Variants in ANO2 observed in about 807,000 individuals in gnomAD.
ANO2 encodes anoctamin 2, also known as anoctamin-2.
A neutral mutation model predicts 124.2 loss-of-function variants in ANO2; 101 were observed. That is an observed-to-expected ratio of 0.81 (90% CI 0.69 to 0.96). The LOEUF is 0.96. Among genes scored for constraint, ANO2 ranks in the 40% least tolerant of loss-of-function variants. The probability of loss-of-function intolerance (pLI) is 0.00; values close to 1 mark genes in which losing one functional copy is unlikely to be tolerated. For synonymous variants in ANO2, 486 were observed against 482.5 expected (o/e 1.01, Z -0.09); for missense variants, 1,293 against 1,274.5 (o/e 1.01, Z -0.22).
intron 1 of ANO2, among the ~76,000 whole-genome samples, chr12:5,931,835 A>G (rs1170938808): frequency 9.4e-3 from 976 of 104,318 alleles, no homozygotes; most frequent in Non-Finnish European, 0.011. Context: ...AGGAAGGAAG[A>G]CTGGTAAGAA....
chr12:5,633,075 G>A (rs149816053), intron 16 of ANO2, among the ~76,000 whole-genome samples: 4 of 152,312 alleles, frequency 2.6e-5, no homozygotes, highest in East Asian at 1.9e-4. Context: ...TCCTCCATGC[G>A]GTGGGAGTGT....
chr12:5,846,114 C>T (rs78086564), intron 4 of ANO2, among the ~76,000 whole-genome samples: 3,061 of 152,250 alleles, frequency 0.02, 108 homozygotes, highest in African/African-American at 0.069. Flanking sequence ...TTTGCAGACA[C>T]CTCTTACTGA....
chr12:5,826,204 T>G, intron 7 of ANO2, among the ~76,000 whole-genome samples: 1 of 152,194 alleles, frequency 6.6e-6, no homozygotes, highest in African/African-American at 2.4e-5. Context: ...CGAAGGATAG[T>G]TGTATTACGT....
In ANO2 at chr12:5,891,456, G is replaced by T. The variant is rs571539436; in HGVS notation, c.534+29584C>A. Among the ~76,000 whole-genome samples the T allele has an allele frequency of 7.9e-5, 12 of 152,284 alleles. No homozygotes were observed. The South Asian group carries it at 1.7e-3, about 21-fold the overall frequency. ...TTTGGGAAGTATGTGGCAGAGGAGG[G>T]TAAGTAGATTCCAAGATTTCTGGCT... On this transcript the variant is annotated intron_variant, in intron 3 of 24. Transcript: ENST00000682330.
intron 10 of ANO2, among the ~76,000 whole-genome samples, chr12:5,760,915 A>G (rs1951722850): frequency 6.6e-6 from 1 of 152,212 alleles, no homozygotes; most frequent in Non-Finnish European, 1.5e-5. Flanking sequence ...AAAAGTTGAC[A>G]GCCAGGAAAT....
rs147590848 is a variant in ANO2 at position 5,678,637 on chromosome 12, C to T, written c.1546-30836G>A. Among the ~76,000 whole-genome samples, 111 of 152,248 alleles carry T rather than the reference C, an allele frequency of 7.3e-4. 1 individual carries two copies. Among genetic ancestry groups the T allele is most frequent in the African/African-American group, 2.5e-3 (105 of 41,560 alleles). On this transcript the variant is annotated intron_variant, in intron 14 of 24. Transcript: ENST00000682330. ...TGCTACGTGGAATTAGAAGGGCTTG[C>T]AATTGGTGAAGTAAACATATCTAAA...
At chr12:5,693,479 C>A (rs991375733) in intron 14 of ANO2, among the ~76,000 whole-genome samples, 1 of 152,164 alleles carries the variant, frequency 6.6e-6, no homozygotes, top group Non-Finnish European at 1.5e-5. Flanking sequence ...ACCACTGCAA[C>A]TGCCTCCACT....
intron 3 of ANO2, among the ~76,000 whole-genome samples, chr12:5,857,772 TGATAGATAGATAGATA>T (rs59071869): frequency 3.8e-4 from 57 of 148,408 alleles, no homozygotes; most frequent in African/African-American, 8.9e-4. Context: ...AAAAGAAATG[TGATAGATAGATAGATA>T]GATAGATAGA....
At chr12:5,874,606 C>G (rs1484542761) in intron 3 of ANO2, among the ~76,000 whole-genome samples, 2 of 152,192 alleles carry the variant, frequency 1.3e-5, no homozygotes, top group Admixed American at 1.3e-4. Flanking sequence ...GCTCTCAGCT[C>G]TCTCCAAGCA....
At chr12:5,576,390 C>T (rs909330032) in intron 22 of ANO2, among the ~76,000 whole-genome samples, 5 of 152,172 alleles carry the variant, frequency 3.3e-5, no homozygotes, top group African/African-American at 4.8e-5. Flanking sequence ...GAGGGTACTA[C>T]GTAAGTGTAA....
At chr12:5,744,383 T>A (rs1008014981) in intron 11 of ANO2, 66 bp from the exon 12 acceptor site, 2 of 1,565,948 alleles carry the variant, frequency 1.3e-6, no homozygotes, top group African/African-American at 1.4e-5. Flanking sequence ...GAAAAATACA[T>A]CCCCCAAATA....
intron 14 of ANO2, among the ~76,000 whole-genome samples, chr12:5,714,659 TCTC>T (rs1949949372): frequency 6.6e-6 from 1 of 152,178 alleles, no homozygotes; most frequent in Non-Finnish European, 1.5e-5. Context: ...TCTTTATTCT[TCTC>T]CTCCTCCTTC....
chr12:5,821,946 C>A (rs1227599644), intron 7 of ANO2, among the ~76,000 whole-genome samples: 1 of 152,140 alleles, frequency 6.6e-6, no homozygotes, highest in East Asian at 1.9e-4. Context: ...CAGTCTACAC[C>A]AATGGTCTCG....
chr12:5,584,106 T>C, intron 20 of ANO2: 2 of 220,422 alleles, frequency 9.1e-6, no homozygotes, highest in South Asian at 7.3e-5. Flanking sequence ...CTTGGCTCCC[T>C]GTGTCATTCC....
chr12:5,865,779 A>C (rs1358762766), intron 3 of ANO2, among the ~76,000 whole-genome samples: 1 of 152,126 alleles, frequency 6.6e-6, no homozygotes. Context: ...TCACACCATC[A>C]TGCATTCACA....
intron 3 of ANO2, among the ~76,000 whole-genome samples, chr12:5,897,105 A>G (rs1939843599): frequency 6.6e-6 from 1 of 152,172 alleles, no homozygotes; most frequent in Non-Finnish European, 1.5e-5. Flanking sequence ...TCAATATTTA[A>G]TCATCAGATA....
intron 10 of ANO2, among the ~76,000 whole-genome samples, chr12:5,798,156 C>T (rs1198256288): frequency 4.6e-5 from 7 of 152,024 alleles, no homozygotes; most frequent in Admixed American, 4.6e-4. Context: ...CAAAGCCCAC[C>T]AAGAATGGAA....
intron 20 of ANO2, among the ~76,000 whole-genome samples, chr12:5,583,468 A>T (rs1274222913): frequency 6.6e-6 from 1 of 151,796 alleles, no homozygotes; most frequent in Non-Finnish European, 1.5e-5. Flanking sequence ...CTTGGCTAAC[A>T]CGGTGAAACC....
intron 14 of ANO2, among the ~76,000 whole-genome samples, chr12:5,674,119 G>GA (rs1205628448): frequency 1.3e-5 from 2 of 152,122 alleles, no homozygotes; most frequent in Non-Finnish European, 2.9e-5. Flanking sequence ...ATCCCATAGA[G>GA]AAAAAAATAT....
Sources: gnomAD v4.1 joint callset for allele counts (sites outside exome capture counted in the v4.1 genomes callset) on GRCh38, gnomAD v4.1.1 for gene constraint, MANE v1.5 for transcripts, NCBI Gene and HGNC (gene_info 2026-07-23, HGNC 2026-07-21) for gene names.